The following DENND4C variants were observed in gnomAD, a reference collection of about 807,000 sequenced individuals.
DENND4C encodes the protein DENN domain containing 4C.
DENND4C carries 108 observed loss-of-function variants against 203.0 expected under a neutral mutation model. The observed-to-expected ratio is 0.53, with a 90% CI of 0.46 to 0.62. The LOEUF is 0.62. Ranked by LOEUF, DENND4C falls within the 20% of genes least tolerant of loss-of-function variation. The pLI is 0.00. For missense variants in DENND4C, 2,481 were observed against 2,301.2 expected (o/e 1.08, Z -1.60); for synonymous variants, 871 against 792.4 (o/e 1.10, Z -1.67).
chr9:19,274,277 T>C (rs1223656843), intron 1 of DENND4C, among the ~76,000 whole-genome samples: 2 of 151,914 alleles, frequency 1.3e-5, no homozygotes, highest in Non-Finnish European at 2.9e-5. Flanking sequence ...AAGAAAATTT[T>C]GATGTTGATG....
At chr9:19,342,978 TA>T (rs1285561935) in intron 22 of DENND4C, among the ~76,000 whole-genome samples, 199 bp downstream of exon 22, 1 of 152,186 alleles carries the variant, frequency 6.6e-6, no homozygotes, top group African/African-American at 2.4e-5. Flanking sequence ...AAGGAGTATT[TA>T]GTGTGTTTGT....
At chr9:19,305,225 T>C in intron 9 of DENND4C, 127 bp from the exon 10 acceptor site, 1 of 719,380 alleles carries the variant, frequency 1.4e-6, no homozygotes, top group Non-Finnish European at 2.2e-6. Flanking sequence ...AGTTTTGGAA[T>C]GAAGTTTAAG....
intron 29 of DENND4C, 91 bp downstream of exon 29, chr9:19,360,580 CA>C: frequency 6.7e-7 from 1 of 1,495,398 alleles, no homozygotes; most frequent in East Asian, 2.3e-5. Flanking sequence ...AGCAGCTTAA[CA>C]AGACAGATTT....
chr9:19,268,679 T>C (rs1330934007), intron 1 of DENND4C, among the ~76,000 whole-genome samples: 1 of 152,194 alleles, frequency 6.6e-6, no homozygotes, highest in African/African-American at 2.4e-5. Flanking sequence ...TCCTTCATGT[T>C]TGAAGGATAT....
At chr9:19,249,086 C>T (rs565787366) in intron 1 of DENND4C, among the ~76,000 whole-genome samples, 3 of 151,550 alleles carry the variant, frequency 2.0e-5, no homozygotes, top group Non-Finnish European at 4.4e-5. Flanking sequence ...CCACCATGCC[C>T]GGCCACACAG....
Position 19,336,315 on chromosome 9 carries a change from T to C in DENND4C, c.2635T>C (p.Phe879Leu), listed in dbSNP as rs780789190. The C allele has an allele frequency of 6.2e-7, 1 of 1,614,104 alleles. No homozygotes were observed. The highest frequency in any genetic ancestry group is 1.1e-5 in the South Asian group (1 of 91,078). Residue 879 changes from phenylalanine (F) to leucine (L), a missense_variant, in exon 19 of 33, where the codon TTC (phenylalanine) becomes CTC (leucine). Transcript: ENST00000434457. Reference protein sequence around the residue: ...PWPSSTRSGIFLWTKVRNVVR... With the variant: ...PWPSSTRSGILLWTKVRNVVR... ...GCCTAGCAGTACCCGCAGTGGTATT[T>C]TCTTATGGACGAAGGTACGGAATGT...
intron 18 of DENND4C, 113 bp from the exon 19 acceptor site, chr9:19,336,157 C>T: frequency 1.1e-6 from 1 of 946,832 alleles, no homozygotes; most frequent in Non-Finnish European, 1.4e-6. Flanking sequence ...GCCAGTATAA[C>T]TTTTTATATT....
chr9:19,254,505 A>G (rs1588750695), intron 1 of DENND4C, among the ~76,000 whole-genome samples: 1 of 152,218 alleles, frequency 6.6e-6, no homozygotes, highest in East Asian at 1.9e-4. Flanking sequence ...CAAATATTGT[A>G]TAGTCTCATT....
At chr9:19,278,742 C>T (rs988643526) in intron 2 of DENND4C, among the ~76,000 whole-genome samples, 3 of 152,108 alleles carry the variant, frequency 2.0e-5, no homozygotes, top group African/African-American at 7.2e-5. Flanking sequence ...CTGTAGTTTT[C>T]CTTCAAGTCA....
At chr9:19,262,327 A>G (rs1829581072) in intron 1 of DENND4C, among the ~76,000 whole-genome samples, 2 of 151,856 alleles carry the variant, frequency 1.3e-5, no homozygotes, top group African/African-American at 4.8e-5. Flanking sequence ...ACCTCAGGTG[A>G]TCCACCCACC....
At chr9:19,307,848 T>G (rs1268197304) in intron 10 of DENND4C, among the ~76,000 whole-genome samples, 4 of 151,898 alleles carry the variant, frequency 2.6e-5, no homozygotes, top group African/African-American at 7.3e-5. Context: ...TTTTGCTCCT[T>G]TCTCCCAGAG....
intron 26 of DENND4C, among the ~76,000 whole-genome samples, chr9:19,355,654 C>T (rs1825230637): frequency 6.6e-6 from 1 of 152,082 alleles, no homozygotes; most frequent in Non-Finnish European, 1.5e-5. Flanking sequence ...TTGTTTTCAT[C>T]ACTTGGTCCT....
chr9:19,368,237 T>A (rs558527564), intron 30 of DENND4C, among the ~76,000 whole-genome samples: 1 of 150,414 alleles, frequency 6.6e-6, no homozygotes, highest in African/African-American at 2.5e-5. Flanking sequence ...TTTCCTGTTA[T>A]CATAACAGAG....
intron 2 of DENND4C, 30 bp downstream of exon 2, chr9:19,276,509 G>A (rs1832920973): frequency 2.5e-6 from 3 of 1,211,134 alleles, no homozygotes; most frequent in Non-Finnish European, 3.1e-6. Flanking sequence ...TTGCTATAGT[G>A]AAGGAGTAAA....
chr9:19,316,478 C>T lies in DENND4C; in HGVS notation c.1549C>T (p.Leu517Phe), dbSNP rs372714840. ...QLPKKPCKNLLSTLKKLYPQL... is the reference protein window; with the variant it reads ...QLPKKPCKNLFSTLKKLYPQL... ...TCCCAAAAAGCCGTGCAAAAATCTA[C>T]TTAGCACCTTAAAGAAATTGTATCC... Residue 517 changes from leucine (L) to phenylalanine (F), a missense_variant, in exon 11 of 33, where the codon CTT (leucine) becomes TTT (phenylalanine). Coordinates refer to ENST00000434457, the MANE Select transcript of DENND4C (RefSeq NM_001330640.2). The T allele has an allele frequency of 3.2e-5, 51 of 1,613,736 alleles. No individual in the cohort carries two copies. Among genetic ancestry groups the T allele is most frequent in the Non-Finnish European group, 4.2e-5 (50 of 1,179,952 alleles).
intron 1 of DENND4C, among the ~76,000 whole-genome samples, chr9:19,274,872 AAG>A (rs1206657150): frequency 1.3e-5 from 2 of 152,220 alleles, no homozygotes; most frequent in African/African-American, 4.8e-5. Context: ...GTTTAGCTCT[AAG>A]ACTCCTGTAA....
intron 1 of DENND4C, among the ~76,000 whole-genome samples, chr9:19,265,659 T>C (rs937414612): frequency 6.6e-6 from 1 of 151,938 alleles, no homozygotes; most frequent in African/African-American, 2.4e-5. Flanking sequence ...TGTGTCCAAG[T>C]GTTCTTATTG....
In DENND4C at chr9:19,276,212, T is replaced by G; in HGVS notation, c.38T>G (p.Phe13Cys). The part of the protein sequence containing the change: ...EDKGPRVTDY[F>C]VVAGLTDTST... ...AAAGGACCAAGAGTGACAGACTACT[T>G]TGTCGTAGCTGGTCTCACTGACACA... is the stretch of plus-strand genomic sequence containing the variant. The change falls in exon 2 of 33, where the codon TTT (phenylalanine) becomes TGT (cysteine). Residue 13 changes from phenylalanine (F) to cysteine (C), a missense_variant. Transcript: ENST00000434457. The G allele has an allele frequency of 2.4e-6, 3 of 1,232,118 alleles. No homozygotes were observed. 76.3% of individuals were successfully genotyped at this position (1,232,118 alleles called of 1,614,324 possible). A position where few individuals can be genotyped will look rare whatever the true frequency, so the allele number is the denominator to read the frequency against.
chr9:19,346,816 G>T lies in DENND4C; in HGVS notation c.4047G>T (p.Val1349=). The T allele has an allele frequency of 6.2e-7, 1 of 1,614,186 alleles. No homozygotes were observed. The highest frequency in any genetic ancestry group is 8.5e-7 in the Non-Finnish European group (1 of 1,180,028). ...AAAGTGAAAAGAGCTCACCTGCAGT[G>T]TCCAGGTCTAAAACTTTTACTGGGC... ...NPESEKSSPA[V]SRSKTFTGRF... Residue 1349 remains valine, a synonymous_variant, in exon 23 of 33, where the codon GTG becomes GTT. Transcript: ENST00000434457.
Sources: allele counts gnomAD v4.1 joint callset (sites outside exome capture counted in the v4.1 genomes callset), GRCh38; gene constraint gnomAD v4.1.1; transcripts MANE v1.5; gene names NCBI Gene and HGNC (gene_info 2026-07-23, HGNC 2026-07-21).